PBX4: variants seen among roughly 807,000 people sequenced by gnomAD.
PBX4 encodes the protein pre-B-cell leukemia transcription factor 4.
A neutral mutation model predicts 35.1 loss-of-function variants in PBX4; 26 were observed. The observed-to-expected ratio is 0.74, with a 90% CI of 0.54 to 1.03. PBX4 has a LOEUF of 1.03. PBX4 is among the 50% of genes least tolerant of loss of function. The pLI is 0.00. For synonymous variants in PBX4, 199 were observed against 204.2 expected (o/e 0.97, Z 0.22); for missense variants, 448 against 504.3 (o/e 0.89, Z 1.07).
chr19:19,569,396 C>T, intron 5 of PBX4, 53 bp downstream of exon 5: 1 of 1,568,422 alleles, frequency 6.4e-7, no homozygotes, highest in Middle Eastern at 2.0e-4. Context: ...CTCATGGGAC[C>T]TAGTCATCCA....
At chr19:19,585,354 CCTTAT>C (rs2061482911) in intron 2 of PBX4, among the ~76,000 whole-genome samples, 1 of 152,018 alleles carries the variant, frequency 6.6e-6, no homozygotes, top group South Asian at 2.1e-4. Flanking sequence ...CTAGATAAAT[CCTTAT>C]CTTAAGTCAT....
At chr19:19,571,073 T>A (rs1428448052) in intron 2 of PBX4, among the ~76,000 whole-genome samples, 3 of 152,210 alleles carry the variant, frequency 2.0e-5, no homozygotes, top group African/African-American at 7.2e-5. Flanking sequence ...AGGTCGCAGT[T>A]TGGCATAGCC....
chr19:19,595,705 G>A, intron 2 of PBX4, among the ~76,000 whole-genome samples: 1 of 151,176 alleles, frequency 6.6e-6, no homozygotes, highest in East Asian at 2.0e-4. Flanking sequence ...GAGACCAACA[G>A]GGGGCATATC....
chr19:19,600,038 T>A (rs2061587392), intron 1 of PBX4, among the ~76,000 whole-genome samples: 1 of 145,078 alleles, frequency 6.9e-6, no homozygotes, highest in Non-Finnish European at 1.5e-5. Context: ...GCTACTCAGG[T>A]GGGTGAGGCA....
At chr19:19,586,880 G>A (rs570508441) in intron 2 of PBX4, among the ~76,000 whole-genome samples, 22 of 151,478 alleles carry the variant, frequency 1.5e-4, no homozygotes, top group Non-Finnish European at 2.8e-4. Context: ...ACAGTGAGCC[G>A]AGATCGCGCC....
intron 2 of PBX4, among the ~76,000 whole-genome samples, chr19:19,587,798 A>G (rs1162461888): frequency 6.6e-6 from 1 of 151,618 alleles, no homozygotes; most frequent in African/African-American, 2.4e-5. Flanking sequence ...GGGAGCACAT[A>G]TCAATATGGA....
intron 1 of PBX4, among the ~76,000 whole-genome samples, chr19:19,609,630 C>A (rs2061651998): frequency 6.7e-6 from 1 of 150,374 alleles, no homozygotes; most frequent in Admixed American, 6.6e-5. Flanking sequence ...GAGGGCAGAT[C>A]ACGAGCTCAG....
chr19:19,565,689 G>C (rs903858955), intron 5 of PBX4, among the ~76,000 whole-genome samples: 4 of 152,096 alleles, frequency 2.6e-5, no homozygotes, highest in African/African-American at 4.8e-5. Flanking sequence ...AGGCTGAGGT[G>C]GGGGGATCAT....
intron 6 of PBX4, among the ~76,000 whole-genome samples, chr19:19,564,499 G>C (rs189931248): frequency 1.3e-5 from 2 of 152,038 alleles, no homozygotes; most frequent in Admixed American, 6.6e-5. Flanking sequence ...TCCTGACCTC[G>C]TGATCCGCCC....
chr19:19,582,829 G>T (rs2061464116), intron 2 of PBX4, among the ~76,000 whole-genome samples: 1 of 152,246 alleles, frequency 6.6e-6, no homozygotes. Flanking sequence ...CTGCGCTGCT[G>T]CTGTGGGGTT....
At chr19:19,579,312 A>G (rs1347454065) in intron 2 of PBX4, among the ~76,000 whole-genome samples, 1 of 151,792 alleles carries the variant, frequency 6.6e-6, no homozygotes, top group African/African-American at 2.4e-5. Flanking sequence ...TTAAGCCACT[A>G]CAGCCTGGCA....
At chr19:19,579,998 TGGGACAGA>T (rs1295256969) in intron 2 of PBX4, 1 of 152,318 alleles carries the variant, frequency 6.6e-6, no homozygotes, top group Non-Finnish European at 1.5e-5. Context: ...CTGTGGAATC[TGGGACAGA>T]GGGTTGACGC....
In PBX4 at chr19:19,563,343, T is replaced by A. The variant is rs181661940; in HGVS notation, c.1032+166A>T. Among the ~76,000 whole-genome samples the A allele has an allele frequency of 1.8e-4, 27 of 152,000 alleles. No homozygotes were observed. The highest frequency in any genetic ancestry group is 7.9e-4 in the Admixed American group (12 of 15,274). On this transcript the variant is annotated intron_variant, in intron 7 of 7. Transcript: ENST00000251203. The surrounding 1 kb of genome is among the most constrained non-coding windows in gnomAD (Gnocchi z 5.1). ...GGGGGAGGGCACAGTCATTACAGAG[T>A]GGGGCCCTGCAGAGCTGTGCCCCAG...
At chr19:19,590,220 T>C (rs2061518313) in intron 2 of PBX4, among the ~76,000 whole-genome samples, 1 of 152,136 alleles carries the variant, frequency 6.6e-6, no homozygotes, top group South Asian at 2.1e-4. Flanking sequence ...GAGCAGTCAC[T>C]CTTTACGCCC....
At chr19:19,565,223 G>A (rs2061334554) in intron 5 of PBX4, 134 bp from the exon 6 acceptor site, 1 of 1,106,676 alleles carries the variant, frequency 9.0e-7, no homozygotes, top group African/African-American at 1.6e-5. Flanking sequence ...GCTATGAAGA[G>A]TCTGGGACTG....
chr19:19,618,462 C>A, intron 1 of PBX4, 49 bp downstream of exon 1: 2 of 1,376,096 alleles, frequency 1.5e-6, no homozygotes, highest in South Asian at 1.6e-5. Flanking sequence ...AGCCCGCCAA[C>A]CTCACTGCCA....
intron 1 of PBX4, among the ~76,000 whole-genome samples, chr19:19,616,541 T>C (rs1197543310): frequency 6.6e-6 from 1 of 152,000 alleles, no homozygotes; most frequent in Non-Finnish European, 1.5e-5. Context: ...GGTCTCGAAC[T>C]CTTGACCTCA....
rs2061312175 is a variant in PBX4 at position 19,562,303 on chromosome 19, C to A, written c.1033-186G>T. Among the ~76,000 whole-genome samples, 1 of 152,192 alleles carries A rather than the reference C, an allele frequency of 6.6e-6. No homozygotes were observed. The highest frequency in any genetic ancestry group is 1.5e-5 in the Non-Finnish European group (1 of 68,026). The stretch of plus-strand genomic sequence containing the variant: ...GGTCCTGGGTCACAGCTGGCCTTGC[C>A]ACCTGACATGGGACATGGACGAGCT... On this transcript the variant is annotated intron_variant, in intron 7 of 7. Coordinates refer to ENST00000251203, the MANE Select transcript of PBX4 (RefSeq NM_025245.3). This position sits in a 1 kb window ranked among gnomAD's most constrained non-coding sequence, Gnocchi z 4.8.
chr19:19,606,936 A>T (rs1282458065), intron 1 of PBX4, among the ~76,000 whole-genome samples: 1 of 152,116 alleles, frequency 6.6e-6, no homozygotes, highest in Non-Finnish European at 1.5e-5. Flanking sequence ...GGTTGCAGTG[A>T]GCCAAGATCG....
Sources: gnomAD v4.1 joint callset for allele counts (sites outside exome capture counted in the v4.1 genomes callset) on GRCh38, gnomAD v4.1.1 for gene constraint, Gnocchi (gnomAD v3.1) non-coding constraint, MANE v1.5 for transcripts, NCBI Gene and HGNC (gene_info 2026-07-23, HGNC 2026-07-21) for gene names.